Variants in TM9SF2 observed in about 807,000 individuals in gnomAD.
TM9SF2 encodes the protein transmembrane 9 superfamily member 2.
In TM9SF2, 13 loss-of-function variants were observed where a neutral mutation model predicts 84.9. That is an observed-to-expected ratio of 0.15 (90% CI 0.10 to 0.24). The LOEUF (loss-of-function observed/expected upper bound fraction) is 0.24. Ranked by LOEUF, TM9SF2 falls within the 10% of genes least tolerant of loss-of-function variation. TM9SF2 has a pLI of 1.00. For missense variants in TM9SF2, 562 were observed against 818.5 expected (o/e 0.69, Z 3.82); for synonymous variants, 273 against 285.8 (o/e 0.96, Z 0.45).
chr13:99,512,290 A>G (rs1473213285), intron 1 of TM9SF2, among the ~76,000 whole-genome samples: 1 of 152,194 alleles, frequency 6.6e-6, no homozygotes, highest in Non-Finnish European at 1.5e-5. Flanking sequence ...TTTCTATTTT[A>G]TTATGATATC....
At chr13:99,504,744 G>A (rs1000631331) in intron 1 of TM9SF2, among the ~76,000 whole-genome samples, 2 of 152,190 alleles carry the variant, frequency 1.3e-5, no homozygotes, top group Non-Finnish European at 2.9e-5. Flanking sequence ...TAGATACTGT[G>A]AGTATGTTTT....
At chr13:99,514,381 A>G (rs2046125496) in intron 1 of TM9SF2, 1 of 152,148 alleles carries the variant, frequency 6.6e-6, no homozygotes, top group Admixed American at 6.5e-5. Context: ...TACCTATTCT[A>G]TGTTTAGATG....
intron 1 of TM9SF2, among the ~76,000 whole-genome samples, chr13:99,513,034 T>C (rs2046119859): frequency 6.6e-6 from 1 of 152,218 alleles, no homozygotes; most frequent in African/African-American, 2.4e-5. Context: ...ATTAATTTGC[T>C]CAAGGACAAA....
chr13:99,527,285 C>G (rs2046187874), intron 3 of TM9SF2, among the ~76,000 whole-genome samples: 1 of 152,102 alleles, frequency 6.6e-6, no homozygotes, highest in Admixed American at 6.5e-5. Flanking sequence ...TGAAGAAATA[C>G]CAGAGGCTGG....
At chr13:99,532,976 A>G (rs967740785) in intron 4 of TM9SF2, among the ~76,000 whole-genome samples, 2 of 152,218 alleles carry the variant, frequency 1.3e-5, no homozygotes, top group African/African-American at 4.8e-5. Flanking sequence ...CATTTGGAAA[A>G]TGTTGATTCA....
intron 4 of TM9SF2, among the ~76,000 whole-genome samples, chr13:99,532,646 A>G (rs946573462): frequency 6.6e-6 from 1 of 152,192 alleles, no homozygotes; most frequent in African/African-American, 2.4e-5. Context: ...TCCTGAAGGT[A>G]GTAGAAGCAG....
At chr13:99,555,477 T>G in intron 14 of TM9SF2, 59 bp from the exon 15 acceptor site, 1 of 1,254,336 alleles carries the variant, frequency 8.0e-7, no homozygotes, top group Non-Finnish European at 1.2e-6. Context: ...AAAGATTGTG[T>G]TATGTATTGT....
intron 11 of TM9SF2, 27 bp downstream of exon 11, chr13:99,547,131 T>A (rs1294444695): frequency 1.2e-6 from 2 of 1,613,244 alleles, no homozygotes; most frequent in South Asian, 2.2e-5. Flanking sequence ...GTGACTGGCG[T>A]CTGATCAGGA....
intron 10 of TM9SF2, among the ~76,000 whole-genome samples, chr13:99,544,945 G>T (rs1235776201): frequency 1.3e-5 from 2 of 152,032 alleles, no homozygotes; most frequent in African/African-American, 4.8e-5. Flanking sequence ...CTACCTCTGG[G>T]TATATGTTAA....
chr13:99,543,871 C>T lies in TM9SF2; in HGVS notation c.1026C>T (p.Ala342=). 1.2e-6 allele frequency: 2 copies of T among 1,613,632 alleles called. No homozygotes were observed. Among genetic ancestry groups the T allele is most frequent in the Non-Finnish European group, 1.7e-6 (2 of 1,179,790 alleles). ...TTTCATTCCCCTTTTAGGAAGATGC[C>T]CAGGAAGAATTTGGCTGGAAACTTG... The part of the protein sequence containing the change: ...RYNQMDSTED[A]QEEFGWKLVH... The change falls in exon 10 of 17, where the codon GCC becomes GCT. Residue 342 remains alanine (A), a synonymous_variant. Transcript: ENST00000376387.
At chr13:99,534,606 T>C (rs1056215636) in intron 4 of TM9SF2, among the ~76,000 whole-genome samples, 4 of 152,248 alleles carry the variant, frequency 2.6e-5, no homozygotes, top group Admixed American at 6.5e-5. Flanking sequence ...AATTAATTTA[T>C]TGGAAAAACA....
intron 1 of TM9SF2, among the ~76,000 whole-genome samples, chr13:99,512,839 C>T (rs1290740482): frequency 6.6e-6 from 1 of 152,102 alleles, no homozygotes; most frequent in Non-Finnish European, 1.5e-5. Context: ...ATGGGGAGTG[C>T]TGACAGTGGA....
intron 1 of TM9SF2, among the ~76,000 whole-genome samples, chr13:99,509,535 A>T (rs1451815000): frequency 6.6e-6 from 1 of 152,224 alleles, no homozygotes; most frequent in Non-Finnish European, 1.5e-5. Context: ...AGCCACCAAG[A>T]CTTACGGCTT....
intron 1 of TM9SF2, among the ~76,000 whole-genome samples, chr13:99,513,705 A>T (rs1262743552): frequency 6.6e-6 from 1 of 152,256 alleles, no homozygotes; most frequent in African/African-American, 2.4e-5. Flanking sequence ...CTTCAGGCTA[A>T]GAATTATTTT....
At chr13:99,524,710 A>G (rs2046174619) in intron 3 of TM9SF2, among the ~76,000 whole-genome samples, 1 of 151,834 alleles carries the variant, frequency 6.6e-6, no homozygotes, top group Non-Finnish European at 1.5e-5. Flanking sequence ...CTATAAAATC[A>G]GGTGCCCCAA....
At chr13:99,508,633 G>A (rs184601360) in intron 1 of TM9SF2, among the ~76,000 whole-genome samples, 8 of 152,170 alleles carry the variant, frequency 5.3e-5, no homozygotes, top group South Asian at 2.1e-4. Flanking sequence ...GACATCGCTC[G>A]ACTTCTAGTG....
chr13:99,547,831 A>G (rs2046289957), intron 11 of TM9SF2, among the ~76,000 whole-genome samples: 1 of 152,158 alleles, frequency 6.6e-6, no homozygotes, highest in South Asian at 2.1e-4. Flanking sequence ...TAGCAATGTG[A>G]AAAAGTTTTG....
At chr13:99,543,106 T>G (rs1193902875) in intron 9 of TM9SF2, among the ~76,000 whole-genome samples, 1 of 152,216 alleles carries the variant, frequency 6.6e-6, no homozygotes, top group African/African-American at 2.4e-5. Context: ...GCTCACTGTT[T>G]TATCTGCTAA....
At chr13:99,508,363 G>A (rs999331347) in intron 1 of TM9SF2, among the ~76,000 whole-genome samples, 2 of 146,972 alleles carry the variant, frequency 1.4e-5, no homozygotes, top group Admixed American at 6.8e-5. Context: ...CTTTTGGATG[G>A]TGAATAAAGA....
Sources: gnomAD v4.1 joint callset for allele counts (sites outside exome capture counted in the v4.1 genomes callset) on GRCh38, gnomAD v4.1.1 for gene constraint, MANE v1.5 for transcripts, NCBI Gene and HGNC (gene_info 2026-07-23, HGNC 2026-07-21) for gene names.